The following GPM6A variants were observed in gnomAD, a reference collection of about 807,000 sequenced individuals.
The protein encoded by GPM6A is neuronal membrane glycoprotein M6-a.
GPM6A carries 7 observed loss-of-function variants against 32.1 expected under a neutral mutation model. The ratio of observed to expected loss-of-function variants is 0.22; its 90% confidence interval spans 0.12 to 0.41. The LOEUF (loss-of-function observed/expected upper bound fraction) is 0.41. Among genes scored for constraint, GPM6A ranks in the 10% least tolerant of loss-of-function variants. The pLI, the probability that GPM6A is intolerant of heterozygous loss-of-function variation, is 1.00. For synonymous variants in GPM6A, 130 were observed against 123.4 expected (o/e 1.05, Z -0.35); for missense variants, 235 against 347.2 (o/e 0.68, Z 2.57).
intron 1 of GPM6A, among the ~76,000 whole-genome samples, chr4:175,877,262 C>A (rs1197341408): frequency 6.6e-6 from 1 of 152,076 alleles, no homozygotes; most frequent in Admixed American, 6.6e-5. Context: ...CAAGGGACAG[C>A]AAATCTGAGT....
intron 1 of GPM6A, among the ~76,000 whole-genome samples, chr4:175,707,973 G>A (rs558741050): frequency 2.8e-4 from 43 of 152,000 alleles, no homozygotes; most frequent in African/African-American, 9.4e-4. Flanking sequence ...GGTGTCACTG[G>A]GTTTTTAAAA....
At position 175,714,094 on chromosome 4, in the gene GPM6A, A is replaced by G. The variant is rs112046272; in HGVS notation, c.38-12327T>C. On this transcript the variant is annotated intron_variant, in intron 1 of 6. Coordinates refer to ENST00000393658, the MANE Select transcript of GPM6A (RefSeq NM_201591.3). ...GGGGTGCTGTCAAAAATAGATTTTT[A>G]GATGTCCTCTGTTGAGAATCTTGTG... Among the ~76,000 whole-genome samples the G allele has an allele frequency of 7.5e-3, 1,141 of 152,272 alleles. 14 individuals are homozygous for G. The highest frequency in any genetic ancestry group is 0.026 in the African/African-American group (1,085 of 41,570).
intron 1 of GPM6A, among the ~76,000 whole-genome samples, chr4:175,808,437 C>T (rs1734786412): frequency 6.6e-6 from 1 of 152,060 alleles, no homozygotes; most frequent in South Asian, 2.1e-4. Context: ...TAAACCTGTA[C>T]CCTCTCCTTT....
chr4:175,879,398 A>AATTTATAAATAACAGACG (rs1737194897), intron 1 of GPM6A, among the ~76,000 whole-genome samples: 1 of 152,202 alleles, frequency 6.6e-6, no homozygotes, highest in African/African-American at 2.4e-5. Flanking sequence ...AATAACAGAC[A>AATTTATAAATAACAGACG]TGTAATTGAC....
intron 1 of GPM6A, chr4:175,947,670 C>T (rs1020337075): frequency 1.6e-4 from 25 of 152,128 alleles, no homozygotes; most frequent in Admixed American, 1.4e-3. Context: ...AGATGAATGG[C>T]TAATAGAGCA....
intron 1 of GPM6A, among the ~76,000 whole-genome samples, chr4:175,906,408 A>G (rs1738132568): frequency 6.6e-6 from 1 of 152,192 alleles, no homozygotes; most frequent in Non-Finnish European, 1.5e-5. Flanking sequence ...TTTAGTCAAG[A>G]TAATGCAAAC....
At chr4:175,846,459 A>G (rs1486506919) in intron 1 of GPM6A, among the ~76,000 whole-genome samples, 1 of 152,090 alleles carries the variant, frequency 6.6e-6, no homozygotes, top group Non-Finnish European at 1.5e-5. Flanking sequence ...TGGCTAATTT[A>G]TCTTTGTAAC....
chr4:175,867,305 T>C (rs1364011497), intron 1 of GPM6A, among the ~76,000 whole-genome samples: 1 of 152,216 alleles, frequency 6.6e-6, no homozygotes, highest in Non-Finnish European at 1.5e-5. Context: ...GCCTTCAATG[T>C]TGAACCTAAA....
intron 2 of GPM6A, among the ~76,000 whole-genome samples, chr4:175,684,593 A>T (rs546159337): frequency 9.2e-5 from 14 of 152,314 alleles, no homozygotes; most frequent in South Asian, 2.1e-4. Context: ...CTTTTTTTCA[A>T]AATGGCTGTC....
intron 2 of GPM6A, among the ~76,000 whole-genome samples, chr4:175,696,364 C>T (rs921921859): frequency 6.6e-6 from 1 of 152,174 alleles, no homozygotes; most frequent in Non-Finnish European, 1.5e-5. Context: ...ACTCCAAAAT[C>T]TTATTCACCA....
chr4:175,905,749 A>C (rs1379026341), intron 1 of GPM6A, among the ~76,000 whole-genome samples: 2 of 152,238 alleles, frequency 1.3e-5, no homozygotes, highest in Non-Finnish European at 2.9e-5. Context: ...GGAATCATCT[A>C]AAAATACGGG....
At chr4:175,870,157 T>G (rs1053015382) in intron 1 of GPM6A, among the ~76,000 whole-genome samples, 1 of 152,262 alleles carries the variant, frequency 6.6e-6, no homozygotes, top group African/African-American at 2.4e-5. Flanking sequence ...TGATGTGTTT[T>G]GTCATTGACC....
At chr4:175,846,951 A>G (rs1201555418) in intron 1 of GPM6A, among the ~76,000 whole-genome samples, 2 of 152,168 alleles carry the variant, frequency 1.3e-5, no homozygotes, top group African/African-American at 4.8e-5. Context: ...TCAAAAACAA[A>G]TAAGAATTTT....
chr4:175,865,694 T>C (rs1014524956), intron 1 of GPM6A, among the ~76,000 whole-genome samples: 2 of 152,072 alleles, frequency 1.3e-5, no homozygotes, highest in African/African-American at 4.8e-5. Flanking sequence ...GCTATTACAA[T>C]TGGTAGTTTT....
At chr4:175,751,901 A>G (rs1300152770) in intron 1 of GPM6A, among the ~76,000 whole-genome samples, 1 of 152,192 alleles carries the variant, frequency 6.6e-6, no homozygotes, top group Non-Finnish European at 1.5e-5. Flanking sequence ...AGTAAATGTT[A>G]TCCTTACAAA....
intron 1 of GPM6A, among the ~76,000 whole-genome samples, chr4:175,727,303 C>T (rs556237017): frequency 1.1e-3 from 167 of 152,204 alleles, no homozygotes; most frequent in Admixed American, 7.5e-3. Context: ...AGTTCTACTA[C>T]GGCGGTTAGT....
At chr4:175,951,745 G>A (rs772421854) in intron 1 of GPM6A, among the ~76,000 whole-genome samples, 2 of 152,324 alleles carry the variant, frequency 1.3e-5, no homozygotes, top group East Asian at 3.9e-4. Context: ...TATTACCTGG[G>A]TAGTTAATGG....
At chr4:175,830,144 G>A (rs562547929) in intron 1 of GPM6A, among the ~76,000 whole-genome samples, 5 of 152,166 alleles carry the variant, frequency 3.3e-5, no homozygotes, top group African/African-American at 1.2e-4. Context: ...AGAGGTGGGG[G>A]CATGAGAATC....
At chr4:175,787,450 C>G in intron 1 of GPM6A, 1 of 1,503,914 alleles carries the variant, frequency 6.6e-7, no homozygotes, top group African/African-American at 1.4e-5. Context: ...CATTCTGTTT[C>G]GTGTTCTGAG....
Sources: gnomAD v4.1 joint callset for allele counts (sites outside exome capture counted in the v4.1 genomes callset) on GRCh38, gnomAD v4.1.1 for gene constraint, MANE v1.5 for transcripts, NCBI Gene and HGNC (gene_info 2026-07-23, HGNC 2026-07-21) for gene names.